Variants in TBL1XR1 observed in about 807,000 individuals in gnomAD.
TBL1XR1 encodes F-box-like/WD repeat-containing protein TBL1XR1.
TBL1XR1 carries 5 observed loss-of-function variants against 66.9 expected under a neutral mutation model. The observed-to-expected ratio is 0.07, with a 90% confidence interval of 0.04 to 0.16. The LOEUF is 0.16. Ranked by LOEUF, TBL1XR1 falls within the 10% of genes least tolerant of loss-of-function variation. The pLI, the probability that TBL1XR1 is intolerant of heterozygous loss-of-function variation, is 1.00. For missense variants in TBL1XR1, 238 were observed against 623.2 expected (o/e 0.38, Z 6.58); for synonymous variants, 210 against 206.0 (o/e 1.02, Z -0.17).
chr3:177,111,608 T>A (rs534863818), intron 1 of TBL1XR1, among the ~76,000 whole-genome samples: 5 of 152,162 alleles, frequency 3.3e-5, no homozygotes, highest in Admixed American at 3.3e-4. Context: ...CCCACTATCA[T>A]CTTATAAGCA....
chr3:177,026,000 AACTGCCT>A, intron 15 of TBL1XR1: 1 of 288,444 alleles, frequency 3.5e-6, no homozygotes, highest in Non-Finnish European at 6.4e-6. Flanking sequence ...CACAGGAACC[AACTGCCT>A]CTAGTTCTGC....
intron 2 of TBL1XR1, among the ~76,000 whole-genome samples, chr3:177,074,819 A>G (rs1720483966): frequency 6.6e-6 from 1 of 152,204 alleles, no homozygotes; most frequent in Non-Finnish European, 1.5e-5. Flanking sequence ...ATAAAGACAT[A>G]AATACATTTT....
intron 1 of TBL1XR1, among the ~76,000 whole-genome samples, chr3:177,188,856 C>G (rs1053051358): frequency 4.6e-5 from 7 of 152,236 alleles, no homozygotes; most frequent in Admixed American, 3.9e-4. Context: ...AGCTTTCAAT[C>G]TAACTCATTT....
intron 2 of TBL1XR1, among the ~76,000 whole-genome samples, chr3:177,067,356 C>A (rs1365022690): frequency 1.3e-5 from 2 of 152,170 alleles, no homozygotes; most frequent in African/African-American, 4.8e-5. Context: ...AGTAAATTTT[C>A]TTTTCCCCTA....
At chr3:177,072,232 A>C (rs1328708006) in intron 2 of TBL1XR1, among the ~76,000 whole-genome samples, 1 of 152,198 alleles carries the variant, frequency 6.6e-6, no homozygotes, top group East Asian at 1.9e-4. Flanking sequence ...TCAACTTTTT[A>C]TTTAGCATAG....
At chr3:177,200,671 G>A (rs980361276), upstream of TBL1XR1, among the ~76,000 whole-genome samples, 1 of 152,200 alleles carries the variant, frequency 6.6e-6, no homozygotes, top group Non-Finnish European at 1.5e-5. Flanking sequence ...CTAGAAAGGA[G>A]ATATTACTGT....
rs535072491 is a variant in TBL1XR1 at position 177,072,835 on chromosome 3, G to A, written c.-45-7813C>T. Among the ~76,000 whole-genome samples the A allele has an allele frequency of 2.5e-4, 38 of 152,314 alleles. No homozygotes were observed. The East Asian group carries it at 6.2e-3, about 25-fold the overall frequency. On this transcript the variant is annotated intron_variant, in intron 2 of 15. Coordinates refer to ENST00000457928, the MANE Select transcript of TBL1XR1 (RefSeq NM_024665.7). ...TCCCAACACTTTGAGAAGCCGAGGCGGGTGGATCACTTGAGGTCAGGAGTT... is the reference window on the plus strand; with the variant it reads ...TCCCAACACTTTGAGAAGCCGAGGCAGGTGGATCACTTGAGGTCAGGAGTT...
intron 14 of TBL1XR1, among the ~76,000 whole-genome samples, chr3:177,030,929 T>C (rs1483885545): frequency 1.3e-5 from 2 of 152,038 alleles, no homozygotes; most frequent in East Asian, 1.9e-4. Flanking sequence ...CTGGCCAACA[T>C]GGTGAAACTC....
intron 1 of TBL1XR1, among the ~76,000 whole-genome samples, chr3:177,163,073 A>G (rs1183806301): frequency 6.6e-6 from 1 of 152,196 alleles, no homozygotes; most frequent in Non-Finnish European, 1.5e-5. Flanking sequence ...CCTTTTATGC[A>G]TAGGGAATGA....
At chr3:177,197,737 C>T (rs867900181), upstream of TBL1XR1, among the ~76,000 whole-genome samples, 1,039 of 146,218 alleles carry the variant, frequency 7.1e-3, 19 homozygotes, top group African/African-American at 0.024. Flanking sequence ...CCGCGCTCCT[C>T]TCCTTCCCGG....
At chr3:177,174,098 T>C (rs983339512) in intron 1 of TBL1XR1, among the ~76,000 whole-genome samples, 2 of 152,162 alleles carry the variant, frequency 1.3e-5, no homozygotes, top group African/African-American at 4.8e-5. Context: ...GCATCTAATT[T>C]ATTTATCCCT....
intron 7 of TBL1XR1, 36 bp downstream of exon 7, chr3:177,049,961 A>C (rs1422824726): frequency 6.2e-7 from 1 of 1,604,644 alleles, no homozygotes; most frequent in African/African-American, 1.3e-5. Flanking sequence ...TAGGTATACT[A>C]GTAATTATAT....
upstream of TBL1XR1, among the ~76,000 whole-genome samples, chr3:177,198,393 A>G (rs984156914): frequency 1.8e-4 from 27 of 152,374 alleles, no homozygotes; most frequent in Admixed American, 3.3e-4. Context: ...CTAAATGTTT[A>G]CTAAATATAT....
chr3:177,095,734 G>A (rs1230571436), intron 2 of TBL1XR1, among the ~76,000 whole-genome samples: 10 of 151,956 alleles, frequency 6.6e-5, no homozygotes, highest in African/African-American at 1.9e-4. Flanking sequence ...CGCCTGCCTC[G>A]GCCTCCCCAA....
At chr3:177,165,919 A>G (rs934084629) in intron 1 of TBL1XR1, among the ~76,000 whole-genome samples, 1 of 132,174 alleles carries the variant, frequency 7.6e-6, no homozygotes, top group Non-Finnish European at 1.7e-5. Flanking sequence ...CAACATGGCA[A>G]AAGCGTTATC....
chr3:177,166,954 C>G (rs145501571), intron 1 of TBL1XR1, among the ~76,000 whole-genome samples: 6 of 152,182 alleles, frequency 3.9e-5, no homozygotes, highest in Non-Finnish European at 7.3e-5. Context: ...CTTACTAAAA[C>G]TAAACATACT....
chr3:177,075,801 C>T (rs983160789), intron 2 of TBL1XR1, among the ~76,000 whole-genome samples: 1 of 152,034 alleles, frequency 6.6e-6, no homozygotes, highest in East Asian at 1.9e-4. Flanking sequence ...CAATAAAGTA[C>T]CATAAACTAA....
At chr3:177,104,431 A>T (rs1036512426) in intron 1 of TBL1XR1, among the ~76,000 whole-genome samples, 4 of 152,328 alleles carry the variant, frequency 2.6e-5, no homozygotes, top group African/African-American at 9.6e-5. Context: ...TAAGCATTAC[A>T]TCCTCCACTG....
intron 2 of TBL1XR1, among the ~76,000 whole-genome samples, chr3:177,094,270 T>C (rs1723185466): frequency 6.6e-6 from 1 of 152,048 alleles, no homozygotes; most frequent in South Asian, 2.1e-4. Flanking sequence ...AAAACCACAA[T>C]GTGATGCCAC....
Sources: allele counts gnomAD v4.1 joint callset (sites outside exome capture counted in the v4.1 genomes callset), GRCh38; gene constraint gnomAD v4.1.1; transcripts MANE v1.5; gene names NCBI Gene and HGNC (gene_info 2026-07-23, HGNC 2026-07-21).